Variants in FARS2 observed in about 807,000 individuals in gnomAD.
The protein encoded by FARS2 is phenylalanine--tRNA ligase, mitochondrial.
A neutral mutation model predicts 46.4 loss-of-function variants in FARS2; 40 were observed. That is an observed-to-expected ratio of 0.86 (90% confidence interval 0.67 to 1.12). The LOEUF (loss-of-function observed/expected upper bound fraction) is 1.12, where lower values mean the gene tolerates loss of function less well. FARS2 is among the 50% of genes most tolerant of loss of function. The pLI is 0.00. For synonymous variants in FARS2, 234 were observed against 214.9 expected (o/e 1.09, Z -0.78); for missense variants, 513 against 567.9 (o/e 0.90, Z 0.98).
chr6:5,291,309 G>A (rs1373903893), intron 1 of FARS2: 1 of 152,158 alleles, frequency 6.6e-6, no homozygotes, highest in Non-Finnish European at 1.5e-5. Context: ...GATTTTAGTA[G>A]GATGCTGATT....
At chr6:5,481,677 C>T (rs1766465602) in intron 4 of FARS2, among the ~76,000 whole-genome samples, 1 of 152,140 alleles carries the variant, frequency 6.6e-6, no homozygotes, top group Non-Finnish European at 1.5e-5. Flanking sequence ...GCATGCACAG[C>T]TTCAAGAGAA....
At chr6:5,677,256 A>T (rs1778812757) in intron 6 of FARS2, among the ~76,000 whole-genome samples, 1 of 152,202 alleles carries the variant, frequency 6.6e-6, no homozygotes, top group African/African-American at 2.4e-5. Flanking sequence ...AACCATAATT[A>T]AAAAGGCCTG....
intron 5 of FARS2, among the ~76,000 whole-genome samples, chr6:5,601,294 G>A (rs1159334360): frequency 6.6e-6 from 1 of 152,138 alleles, no homozygotes; most frequent in Non-Finnish European, 1.5e-5. Context: ...GGCCAAGGCA[G>A]GTGGATCACC....
chr6:5,366,835 T>A (rs1758713565), intron 1 of FARS2, among the ~76,000 whole-genome samples: 1 of 152,238 alleles, frequency 6.6e-6, no homozygotes, highest in African/African-American at 2.4e-5. Context: ...AGGTAGCTAA[T>A]AACCTAACAG....
chr6:5,361,651 C>T (rs1758311523), intron 1 of FARS2, among the ~76,000 whole-genome samples: 1 of 152,158 alleles, frequency 6.6e-6, no homozygotes, highest in South Asian at 2.1e-4. Context: ...ATTTTCCCAC[C>T]ATTGTTTAGT....
chr6:5,468,258 G>A (rs778054789), intron 4 of FARS2, among the ~76,000 whole-genome samples: 4 of 151,550 alleles, frequency 2.6e-5, no homozygotes, highest in Non-Finnish European at 4.4e-5. Context: ...AAATAATATT[G>A]CCAAACCGTG....
At chr6:5,260,602 C>CGG, upstream of FARS2, 9 of 1,203,596 alleles carry the variant, frequency 7.5e-6, no homozygotes, top group African/African-American at 1.6e-5. Flanking sequence ...CCCCGGTCCC[C>CGG]GGCCCCTGGC....
At chr6:5,557,653 A>G (rs1427485184) in intron 5 of FARS2, among the ~76,000 whole-genome samples, 1 of 152,176 alleles carries the variant, frequency 6.6e-6, no homozygotes, top group Admixed American at 6.5e-5. Flanking sequence ...TTTTATGAAC[A>G]GATGGTCACT....
At chr6:5,732,462 T>C (rs116030777) in intron 6 of FARS2, among the ~76,000 whole-genome samples, 2,066 of 152,096 alleles carry the variant, frequency 0.014, 46 homozygotes, top group African/African-American at 0.047. Flanking sequence ...CTGTAGCTCC[T>C]CTCCCTTCTG....
intron 5 of FARS2, chr6:5,609,247 C>T (rs1482793490): frequency 7.6e-6 from 9 of 1,178,034 alleles, no homozygotes; most frequent in Non-Finnish European, 1.1e-5. Context: ...CTGCCACTGC[C>T]TTAGCTACTG....
chr6:5,259,359 CT>C (rs66636103), upstream of FARS2, among the ~76,000 whole-genome samples: 42,187 of 152,122 alleles, frequency 0.28, 7,185 homozygotes, highest in African/African-American at 0.48. Context: ...CACCAGTATG[CT>C]TATTATTACA....
chr6:5,625,108 G>T (rs1011793149), intron 6 of FARS2, among the ~76,000 whole-genome samples: 1 of 152,186 alleles, frequency 6.6e-6, no homozygotes, highest in African/African-American at 2.4e-5. Flanking sequence ...TATGAATTTG[G>T]ATACATCCTG....
Position 5,540,196 on chromosome 6 carries a change from C to T in FARS2, c.905-4984C>T, listed in dbSNP as rs1582397207. 2.6e-5 allele frequency among the ~76,000 whole-genome samples: 4 copies of T among 152,302 alleles called. 1 individual carries two copies. The highest frequency in any genetic ancestry group is 2.6e-4 in the Admixed American group (4 of 15,294). ...CAAATGGGAAATTTCTCTGTTTTTCCATAACTTTATGATAATTCGATTTTG... is the reference window on the plus strand; with the variant it reads ...CAAATGGGAAATTTCTCTGTTTTTCTATAACTTTATGATAATTCGATTTTG... On this transcript the variant is annotated intron_variant, in intron 4 of 6. Coordinates refer to ENST00000274680, the MANE Select transcript of FARS2 (RefSeq NM_006567.5).
At chr6:5,506,150 G>T (rs1262413005) in intron 4 of FARS2, among the ~76,000 whole-genome samples, 1 of 152,184 alleles carries the variant, frequency 6.6e-6, no homozygotes, top group Non-Finnish European at 1.5e-5. Flanking sequence ...AGCTGTCCCA[G>T]TGGAGAGCAG....
At chr6:5,376,074 T>C (rs1242625539) in intron 2 of FARS2, among the ~76,000 whole-genome samples, 1 of 152,168 alleles carries the variant, frequency 6.6e-6, no homozygotes, top group Non-Finnish European at 1.5e-5. Context: ...GTCAGACATA[T>C]TCCTACTGGA....
At chr6:5,689,525 A>G (rs1197236447) in intron 6 of FARS2, among the ~76,000 whole-genome samples, 1 of 152,062 alleles carries the variant, frequency 6.6e-6, no homozygotes, top group South Asian at 2.1e-4. Context: ...GAGTTTCTTA[A>G]TCCTGAGTTC....
At chr6:5,347,000 G>A (rs983876261) in intron 1 of FARS2, among the ~76,000 whole-genome samples, 18 of 150,770 alleles carry the variant, frequency 1.2e-4, no homozygotes, top group Non-Finnish European at 2.2e-4. Context: ...TGAAACCTCC[G>A]CCTTCCAGGT....
intron 1 of FARS2, among the ~76,000 whole-genome samples, chr6:5,364,270 A>G (rs1758505883): frequency 6.6e-6 from 1 of 152,194 alleles, no homozygotes; most frequent in African/African-American, 2.4e-5. Flanking sequence ...TCTGTTTTAC[A>G]GATGAGAACC....
At chr6:5,264,498 T>TC (rs201532499) in intron 1 of FARS2, among the ~76,000 whole-genome samples, 9 of 150,072 alleles carry the variant, frequency 6.0e-5, no homozygotes, top group African/African-American at 1.2e-4. Flanking sequence ...CTTTTTTCTT[T>TC]TTTTTTTTTT....
Sources: gnomAD v4.1 joint callset for allele counts (sites outside exome capture counted in the v4.1 genomes callset) on GRCh38, gnomAD v4.1.1 for gene constraint, MANE v1.5 for transcripts, NCBI Gene and HGNC (gene_info 2026-07-23, HGNC 2026-07-21) for gene names.